The following CFAP92 variants were observed in gnomAD, a reference collection of about 807,000 sequenced individuals.
CFAP92 encodes the protein uncharacterized protein CFAP92.
CFAP92 carries 86 observed loss-of-function variants against 106.3 expected under a neutral mutation model. That is an observed-to-expected ratio of 0.81 (90% CI 0.68 to 0.97). CFAP92 has a LOEUF of 0.97. CFAP92 is among the 50% of genes least tolerant of loss of function. CFAP92 has a pLI of 0.00. For missense variants in CFAP92, 1,204 were observed against 1,283.8 expected (o/e 0.94, Z 0.95); for synonymous variants, 477 against 506.4 (o/e 0.94, Z 0.78).
At chr3:128,994,607 G>C (rs1944410749), upstream of CFAP92, among the ~76,000 whole-genome samples, 1 of 152,226 alleles carries the variant, frequency 6.6e-6, no homozygotes, top group Non-Finnish European at 1.5e-5. Context: ...CGCCAACTCA[G>C]AGATCAGAAA....
At chr3:128,923,955 T>A (rs1362547241) in intron 12 of CFAP92, among the ~76,000 whole-genome samples, 1 of 152,188 alleles carries the variant, frequency 6.6e-6, no homozygotes, top group Non-Finnish European at 1.5e-5. Flanking sequence ...TTAAATGGAT[T>A]AAGGCCATTG....
chr3:128,926,822 G>A (rs927651675), intron 12 of CFAP92, among the ~76,000 whole-genome samples: 2 of 152,110 alleles, frequency 1.3e-5, no homozygotes, highest in Non-Finnish European at 2.9e-5. Context: ...GAGGCTGGGC[G>A]AGGTTGCTCA....
At chr3:128,985,650 A>C (rs1038527358) in intron 4 of CFAP92, among the ~76,000 whole-genome samples, 7 of 152,198 alleles carry the variant, frequency 4.6e-5, no homozygotes, top group African/African-American at 1.7e-4. Context: ...GATACTAACC[A>C]GAAAGTCTGG....
intron 9 of CFAP92, among the ~76,000 whole-genome samples, chr3:128,956,207 T>TAAAAAAAAAAAAAAAAAAAAA (rs1256391409): frequency 1.9e-5 from 1 of 53,224 alleles, no homozygotes; most frequent in Non-Finnish European, 3.3e-5. Context: ...AAAAAAAAAA[T>TAAAAAAAAAAAAAAAAAAAAA]AAAAAAATAA....
At chr3:128,956,205 AAT>A (rs1391332574) in intron 9 of CFAP92, among the ~76,000 whole-genome samples, 3,177 of 106,410 alleles carry the variant, frequency 0.03, 243 homozygotes, top group African/African-American at 0.14. Context: ...ATAAAAAAAA[AAT>A]AAAAAAATAA....
At chr3:128,987,004 C>A (rs1943896290) in intron 4 of CFAP92, among the ~76,000 whole-genome samples, 1 of 152,172 alleles carries the variant, frequency 6.6e-6, no homozygotes, top group South Asian at 2.1e-4. Context: ...CTACTAAAAA[C>A]ACAAAAATTA....
Position 128,978,124 on chromosome 3 carries a change from G to A in CFAP92, c.729C>T (p.Asn243=), listed in dbSNP as rs1943279084. The change falls in exon 5 of 16, where the codon AAC becomes AAT. Residue 243 remains asparagine (N), a synonymous_variant. Coordinates refer to ENST00000645291, the MANE Select transcript of CFAP92 (RefSeq NM_001394090.1). ...KLSEQGIENT[N]IVREESNQEH... ...CCTGGTTCGACTCTTCTCTGACAATGTTGGTATTCTCAATGCCCTGTTCAG... is the reference window on the plus strand; with the variant it reads ...CCTGGTTCGACTCTTCTCTGACAATATTGGTATTCTCAATGCCCTGTTCAG... 1 of 1,613,810 alleles carries A rather than the reference G, an allele frequency of 6.2e-7. No individual in the cohort carries two copies. Among genetic ancestry groups the A allele is most frequent in the Non-Finnish European group, 8.5e-7 (1 of 1,179,860 alleles).
At chr3:128,948,196 ATATATATT>A (rs570801923) in intron 9 of CFAP92, among the ~76,000 whole-genome samples, 75 of 151,878 alleles carry the variant, frequency 4.9e-4, no homozygotes, top group African/African-American at 1.8e-3. Context: ...TTTATTATAT[ATATATATT>A]TATGGTGAGA....
chr3:128,989,715 T>C (rs1044266628), intron 2 of CFAP92, among the ~76,000 whole-genome samples: 1 of 152,214 alleles, frequency 6.6e-6, no homozygotes, highest in Admixed American at 6.5e-5. Flanking sequence ...ATGACTGTCT[T>C]TAAAGCTGTA....
At chr3:129,023,953 G>A in the CFAP92 span, among the ~76,000 whole-genome samples, 1 of 152,152 alleles carries the variant, frequency 6.6e-6, no homozygotes, top group Admixed American at 6.5e-5. Context: ...CCAAGAGCAG[G>A]TGAATAGGTG....
At chr3:129,005,597 G>C (rs545204943), upstream of CFAP92, among the ~76,000 whole-genome samples, 3 of 152,382 alleles carry the variant, frequency 2.0e-5, no homozygotes, top group East Asian at 5.8e-4. Context: ...GATGGGGAGA[G>C]CAGGAGACAG....
chr3:128,910,830 G>A, intron 15 of CFAP92: 1 of 1,613,906 alleles, frequency 6.2e-7, no homozygotes, highest in Non-Finnish European at 8.5e-7. Flanking sequence ...GGCATGTCTT[G>A]GGGGAGGGAA....
chr3:128,977,011 C>T lies in CFAP92; in HGVS notation c.864G>A (p.Lys288=). ...TSSKNSEEYE[K]SLKMDDSSTI... is the part of the protein sequence containing the mutation. Reference sequence around the variant, plus strand: ...TGGAAGAATCGTCCATTTTGAGGGACTTCTCATATTCCTCACTGTTCTTGG... The same window carrying T: ...TGGAAGAATCGTCCATTTTGAGGGATTTCTCATATTCCTCACTGTTCTTGG... Residue 288 remains lysine (K), a synonymous_variant, in exon 6 of 16, where the codon AAG becomes AAA. Transcript: ENST00000645291. The T allele has an allele frequency of 6.2e-7, 1 of 1,613,890 alleles. No homozygotes were observed. Among genetic ancestry groups the T allele is most frequent in the East Asian group, 2.2e-5 (1 of 44,868 alleles).
chr3:128,945,521 C>T lies in CFAP92; in HGVS notation c.1808G>A (p.Arg603Lys), dbSNP rs1269262169. 1 of 1,536,180 alleles carries T rather than the reference C, an allele frequency of 6.5e-7. No homozygotes were observed. The highest frequency in any genetic ancestry group is 8.7e-7 in the Non-Finnish European group (1 of 1,146,932). ...GGGGACCCCAAGCCCCACAACCTTC[C>T]TTCTCCTGCTGTCCTGGCCGCAGTG... is the stretch of plus-strand genomic sequence containing the variant. ...PTHCGQDSRR[R>K]KVVGLGVPRD... is the part of the protein sequence containing the mutation. Residue 603 changes from arginine (R) to lysine (K), a missense_variant, in exon 10 of 16, where the codon AGG becomes AAG. Transcript: ENST00000645291.
intron 4 of CFAP92, among the ~76,000 whole-genome samples, chr3:128,985,196 C>T (rs988907472): frequency 3.9e-5 from 6 of 152,192 alleles, no homozygotes; most frequent in African/African-American, 7.2e-5. Context: ...TAGTGGCTCA[C>T]GCTTGTGATC....
At chr3:128,942,414 C>T (rs1415675662) in intron 10 of CFAP92, among the ~76,000 whole-genome samples, 2 of 152,208 alleles carry the variant, frequency 1.3e-5, no homozygotes, top group Non-Finnish European at 2.9e-5. Context: ...CTCCACTGCA[C>T]AGGTATGGCA....
chr3:128,921,768 G>T (rs910977587), intron 12 of CFAP92, among the ~76,000 whole-genome samples: 1 of 152,082 alleles, frequency 6.6e-6, no homozygotes, highest in African/African-American at 2.4e-5. Flanking sequence ...TGGGAAGAGG[G>T]GCCTGCCTCA....
intron 10 of CFAP92, among the ~76,000 whole-genome samples, chr3:128,937,148 A>C (rs774025090): frequency 1.3e-5 from 2 of 151,778 alleles, no homozygotes; most frequent in Admixed American, 6.6e-5. Flanking sequence ...AAAAAATACA[A>C]AAATAATCTG....
chr3:128,912,471 G>A (rs776120320), intron 15 of CFAP92: 1 of 1,585,456 alleles, frequency 6.3e-7, no homozygotes, highest in Non-Finnish European at 8.7e-7. Context: ...TCACGGTGCA[G>A]AAAGATCACC....
Sources: allele counts gnomAD v4.1 joint callset (sites outside exome capture counted in the v4.1 genomes callset), GRCh38; gene constraint gnomAD v4.1.1; transcripts MANE v1.5; gene names NCBI Gene and HGNC (gene_info 2026-07-23, HGNC 2026-07-21).